PTPRD: variants seen among roughly 807,000 people sequenced by gnomAD.
The protein encoded by PTPRD is receptor-type tyrosine-protein phosphatase delta.
Under a neutral mutation model 214.5 loss-of-function variants are expected in PTPRD, and 34 were observed. The ratio of observed to expected loss-of-function variants is 0.16; its 90% CI spans 0.12 to 0.21. PTPRD has a LOEUF of 0.21. Among genes scored for constraint, PTPRD ranks in the 10% least tolerant of loss-of-function variants. PTPRD has a pLI of 1.00. For synonymous variants in PTPRD, 1,128 were observed against 845.7 expected (o/e 1.33, Z -5.79); for missense variants, 2,545 against 2,398.7 (o/e 1.06, Z -1.27).
chr9:8,898,828 G>T (rs2098641499), intron 11 of PTPRD, among the ~76,000 whole-genome samples: 1 of 152,138 alleles, frequency 6.6e-6, no homozygotes, highest in South Asian at 2.1e-4. Flanking sequence ...GTCATATTAA[G>T]TAGGGGAAAT....
chr9:10,186,669 G>A (rs564902343), intron 3 of PTPRD, among the ~76,000 whole-genome samples: 72 of 152,088 alleles, frequency 4.7e-4, no homozygotes, highest in African/African-American at 1.7e-3. Flanking sequence ...TGCAGTATCG[G>A]GAATTACTAA....
chr9:9,436,155 T>C (rs926356945), intron 8 of PTPRD, among the ~76,000 whole-genome samples: 1 of 152,204 alleles, frequency 6.6e-6, no homozygotes, highest in Non-Finnish European at 1.5e-5. Flanking sequence ...GCAAATAAAG[T>C]TCCTTCTTCT....
chr9:8,633,485 A>G (rs760251834), intron 13 of PTPRD, 27 bp from the exon 14 acceptor site: 17 of 1,606,796 alleles, frequency 1.1e-5, no homozygotes, highest in Middle Eastern at 1.7e-4. Flanking sequence ...TAGCTGTCAC[A>G]GGTGTTGTTA....
intron 4 of PTPRD, among the ~76,000 whole-genome samples, chr9:10,006,232 G>T (rs998737932): frequency 6.6e-6 from 1 of 151,946 alleles, no homozygotes; most frequent in Non-Finnish European, 1.5e-5. Context: ...ATTTACATCA[G>T]TTCCCTGCTA....
chr9:9,672,218 A>G (rs2096845097), intron 7 of PTPRD, among the ~76,000 whole-genome samples: 1 of 152,170 alleles, frequency 6.6e-6, no homozygotes, highest in Non-Finnish European at 1.5e-5. Context: ...CCACAATATA[A>G]TTTTCTGAAA....
At chr9:10,555,132 C>T (rs529872690) in intron 2 of PTPRD, among the ~76,000 whole-genome samples, 43 of 152,122 alleles carry the variant, frequency 2.8e-4, no homozygotes, top group Non-Finnish European at 4.0e-4. Flanking sequence ...ACACAAAAAA[C>T]CTTTAAACTA....
intron 5 of PTPRD, among the ~76,000 whole-genome samples, chr9:9,918,246 T>C (rs2081486540): frequency 6.8e-6 from 1 of 148,096 alleles, no homozygotes; most frequent in African/African-American, 2.5e-5. Flanking sequence ...CACATTTCAA[T>C]ACAGGAAAAA....
intron 11 of PTPRD, among the ~76,000 whole-genome samples, chr9:8,814,054 G>A (rs2154523754): frequency 6.6e-6 from 1 of 152,230 alleles, no homozygotes; most frequent in East Asian, 1.9e-4. Context: ...TCTGCACCTT[G>A]GTATCTCCCC....
At chr9:9,753,713 C>T (rs867282673) in intron 6 of PTPRD, among the ~76,000 whole-genome samples, 16 of 152,012 alleles carry the variant, frequency 1.1e-4, no homozygotes, top group African/African-American at 3.6e-4. Context: ...TCCAATGTGT[C>T]GCAGATGCTC....
chr9:9,128,038 C>G (rs747229336), intron 10 of PTPRD, among the ~76,000 whole-genome samples: 1 of 152,110 alleles, frequency 6.6e-6, no homozygotes, highest in East Asian at 1.9e-4. Flanking sequence ...AATTCATAAA[C>G]TTACCAATAC....
chr9:8,587,413 T>C (rs1416184025), intron 14 of PTPRD, among the ~76,000 whole-genome samples: 1 of 152,232 alleles, frequency 6.6e-6, no homozygotes, highest in Admixed American at 6.5e-5. Flanking sequence ...CTAATTTCAC[T>C]GACCTTTTCC....
At chr9:10,340,892 G>C (rs1172246758) in intron 3 of PTPRD, 71 bp downstream of exon 3, 2 of 151,900 alleles carry the variant, frequency 1.3e-5, no homozygotes, top group African/African-American at 4.8e-5. Flanking sequence ...TCTCAAATGA[G>C]AAGCTATTAT....
intron 23 of PTPRD, 146 bp from the exon 24 acceptor site, chr9:8,501,205 A>T (rs1391505572): frequency 1.5e-6 from 1 of 650,372 alleles, no homozygotes; most frequent in African/African-American, 1.8e-5. Context: ...CTTAAATTCT[A>T]ATGACAAATT....
intron 8 of PTPRD, among the ~76,000 whole-genome samples, chr9:9,419,934 T>C (rs1452923466): frequency 6.6e-6 from 1 of 151,704 alleles, no homozygotes; most frequent in African/African-American, 2.4e-5. Flanking sequence ...AAAATACTTT[T>C]AATTATCTTT....
chr9:8,548,335 G>C (rs1268704717), intron 14 of PTPRD, among the ~76,000 whole-genome samples: 4 of 151,970 alleles, frequency 2.6e-5, no homozygotes, highest in African/African-American at 7.3e-5. Context: ...GGAATCTGGG[G>C]TTCATGTGTT....
chr9:9,177,102 T>G (rs979943376), intron 10 of PTPRD, among the ~76,000 whole-genome samples: 2 of 152,070 alleles, frequency 1.3e-5, no homozygotes, highest in Non-Finnish European at 1.5e-5. Flanking sequence ...CAGTTTAGCA[T>G]GGTTGGGGAG....
intron 3 of PTPRD, among the ~76,000 whole-genome samples, chr9:10,117,362 ATT>A (rs2098738696): frequency 6.6e-6 from 1 of 152,060 alleles, no homozygotes; most frequent in East Asian, 1.9e-4. Flanking sequence ...CAATGTATTA[ATT>A]TCCTAGTGCT....
chr9:9,790,600 T>A (rs1485632056), intron 5 of PTPRD, among the ~76,000 whole-genome samples: 2 of 152,206 alleles, frequency 1.3e-5, no homozygotes, highest in East Asian at 3.8e-4. Context: ...TTAATAGGTA[T>A]AAATATAAGT....
At chr9:9,168,841 G>C (rs1052788419) in intron 10 of PTPRD, among the ~76,000 whole-genome samples, 2 of 151,720 alleles carry the variant, frequency 1.3e-5, no homozygotes, top group Non-Finnish European at 2.9e-5. Context: ...TCATTTATCT[G>C]TTAAAAGCAT....
Sources: gnomAD v4.1 joint callset for allele counts (sites outside exome capture counted in the v4.1 genomes callset) on GRCh38, gnomAD v4.1.1 for gene constraint, MANE v1.5 for transcripts, NCBI Gene and HGNC (gene_info 2026-07-23, HGNC 2026-07-21) for gene names.